The following TOX variants were observed in gnomAD, a reference collection of about 807,000 sequenced individuals.
TOX encodes the protein thymocyte selection-associated high mobility group box protein TOX.
Under a neutral mutation model 53.7 loss-of-function variants are expected in TOX, and 11 were observed. That is an observed-to-expected ratio of 0.20 (90% CI 0.13 to 0.34). TOX has a LOEUF of 0.34. Among genes scored for constraint, TOX ranks in the 10% least tolerant of loss-of-function variants. The pLI is 1.00. For synonymous variants in TOX, 225 were observed against 245.3 expected (o/e 0.92, Z 0.77); for missense variants, 570 against 664.6 (o/e 0.86, Z 1.56).
Position 58,815,382 on chromosome 8 carries a change from G to A in TOX, c.1348C>T (p.Pro450Ser). The change falls in exon 7 of 9, where the codon CCC becomes TCC. Residue 450 changes from proline to serine, a missense_variant. Coordinates refer to ENST00000361421, the MANE Select transcript of TOX (RefSeq NM_014729.3). ...TGTAAGGCAGACTGGACCTGCATGG[G>A]GAGCTGGTTCCCAAGGGGCTGCTGC... ...TMQQPLGNQLPMQVQSALHSP... is the reference protein window; with the variant it reads ...TMQQPLGNQLSMQVQSALHSP... 1 of 1,612,540 alleles carries A rather than the reference G, an allele frequency of 6.2e-7. No homozygotes were observed. Among genetic ancestry groups the A allele is most frequent in the Non-Finnish European group, 8.5e-7 (1 of 1,179,308 alleles).
chr8:58,885,042 C>T (rs1004856385), intron 3 of TOX, among the ~76,000 whole-genome samples: 10 of 151,940 alleles, frequency 6.6e-5, no homozygotes, highest in Admixed American at 1.3e-4. Flanking sequence ...TATTTGTCTT[C>T]CAGAAAAGGA....
intron 1 of TOX, among the ~76,000 whole-genome samples, chr8:58,985,697 T>C (rs1371890286): frequency 6.6e-6 from 1 of 152,220 alleles, no homozygotes; most frequent in Non-Finnish European, 1.5e-5. Flanking sequence ...AATATCAAAA[T>C]GTTAAACAAA....
chr8:58,835,374 G>T (rs913961187), intron 5 of TOX, among the ~76,000 whole-genome samples: 2 of 152,146 alleles, frequency 1.3e-5, no homozygotes, highest in Admixed American at 1.3e-4. Flanking sequence ...GACCAGCCTC[G>T]ATTCTGAATG....
At chr8:58,936,594 C>T (rs975550153) in intron 3 of TOX, among the ~76,000 whole-genome samples, 4 of 152,134 alleles carry the variant, frequency 2.6e-5, no homozygotes, top group African/African-American at 7.2e-5. Context: ...ACTGAAGAGG[C>T]TCTTTGTTTC....
At chr8:58,949,861 C>A (rs1286174405) in intron 2 of TOX, among the ~76,000 whole-genome samples, 1 of 149,340 alleles carries the variant, frequency 6.7e-6, no homozygotes, top group Non-Finnish European at 1.5e-5. Flanking sequence ...GTGTATATTT[C>A]ATATACACAT....
In TOX at chr8:58,895,506, G is replaced by T. The variant is rs569739666; in HGVS notation, c.412-43701C>A. Among the ~76,000 whole-genome samples, 5 of 152,284 alleles carry T rather than the reference G, an allele frequency of 3.3e-5. No individual in the cohort carries two copies. The East Asian group carries it at 7.7e-4, about 23-fold the overall frequency. On this transcript the variant is annotated intron_variant, in intron 3 of 8. Transcript: ENST00000361421. ...CAGAAGAAGAGGAAAAACTTTGGAG[G>T]TCTAAGTTCTATAGTATGCTAGTGA...
chr8:58,963,400 G>A (rs1272563923), intron 1 of TOX, among the ~76,000 whole-genome samples: 1 of 152,080 alleles, frequency 6.6e-6, no homozygotes, highest in African/African-American at 2.4e-5. Context: ...AGTTGGTTTT[G>A]TTTCTCTGGA....
chr8:58,915,680 C>A (rs949734567), intron 3 of TOX, among the ~76,000 whole-genome samples: 40 of 150,918 alleles, frequency 2.7e-4, no homozygotes, highest in African/African-American at 8.8e-4. Context: ...TCCTCACCAG[C>A]AATGGAACAA....
chr8:59,077,870 A>G (rs1024188611), intron 1 of TOX, among the ~76,000 whole-genome samples: 2 of 152,190 alleles, frequency 1.3e-5, no homozygotes, highest in Admixed American at 6.5e-5. Flanking sequence ...ATATGGAACA[A>G]TCCTTTTTGC....
At chr8:58,934,922 C>G (rs1378470637) in intron 3 of TOX, among the ~76,000 whole-genome samples, 1 of 152,174 alleles carries the variant, frequency 6.6e-6, no homozygotes, top group Non-Finnish European at 1.5e-5. Flanking sequence ...GGAGTAATTA[C>G]TGACTAAGCC....
intron 3 of TOX, among the ~76,000 whole-genome samples, chr8:58,867,375 G>T (rs1281974671): frequency 6.6e-6 from 1 of 152,192 alleles, no homozygotes; most frequent in Non-Finnish European, 1.5e-5. Flanking sequence ...ACAAGGTATA[G>T]CACATAAGCA....
intron 1 of TOX, among the ~76,000 whole-genome samples, chr8:59,036,068 A>G (rs1814452810): frequency 6.6e-6 from 1 of 152,194 alleles, no homozygotes; most frequent in South Asian, 2.1e-4. Context: ...CAGCACATAT[A>G]GTTGTTCCCC....
chr8:59,015,217 T>A (rs1585965129), intron 1 of TOX, among the ~76,000 whole-genome samples: 1 of 152,190 alleles, frequency 6.6e-6, no homozygotes, highest in African/African-American at 2.4e-5. Flanking sequence ...TATGAGTGCA[T>A]TAGGATATTT....
At chr8:58,940,732 GT>G (rs1812424312) in intron 2 of TOX, among the ~76,000 whole-genome samples, 1 of 152,124 alleles carries the variant, frequency 6.6e-6, no homozygotes, top group Non-Finnish European at 1.5e-5. Context: ...ATAAAGTAGT[GT>G]AAGGTATTCA....
At chr8:59,007,503 G>A (rs1462926302) in intron 1 of TOX, among the ~76,000 whole-genome samples, 2 of 151,964 alleles carry the variant, frequency 1.3e-5, no homozygotes, top group Non-Finnish European at 2.9e-5. Flanking sequence ...AAATATGAAG[G>A]GATCCACAAC....
chr8:58,977,701 A>G (rs1563407198), intron 1 of TOX, among the ~76,000 whole-genome samples: 1 of 152,094 alleles, frequency 6.6e-6, no homozygotes, highest in African/African-American at 2.4e-5. Context: ...TTTTGTTATG[A>G]CTCAGAAAAT....
At chr8:58,889,808 T>C (rs1811530407) in intron 3 of TOX, among the ~76,000 whole-genome samples, 1 of 152,116 alleles carries the variant, frequency 6.6e-6, no homozygotes, top group Non-Finnish European at 1.5e-5. Flanking sequence ...TTAATATTGC[T>C]AAGTTTTTAT....
chr8:58,829,064 C>T (rs747573915), intron 5 of TOX, among the ~76,000 whole-genome samples: 2 of 152,154 alleles, frequency 1.3e-5, no homozygotes, highest in Non-Finnish European at 2.9e-5. Context: ...CCCACAGTGG[C>T]ATTTTCTAAG....
At chr8:59,047,480 G>C (rs1361583937) in intron 1 of TOX, among the ~76,000 whole-genome samples, 1 of 151,686 alleles carries the variant, frequency 6.6e-6, no homozygotes, top group Admixed American at 6.6e-5. Flanking sequence ...GCCCGCCTCG[G>C]CCTCCCAAAG....
Sources: gnomAD v4.1 joint callset for allele counts (sites outside exome capture counted in the v4.1 genomes callset) on GRCh38, gnomAD v4.1.1 for gene constraint, MANE v1.5 for transcripts, NCBI Gene and HGNC (gene_info 2026-07-23, HGNC 2026-07-21) for gene names.